ST7: variants seen among roughly 807,000 people sequenced by gnomAD.
ST7 encodes the protein suppressor of tumorigenicity 7 protein.
ST7 carries 28 observed loss-of-function variants against 78.7 expected under a neutral mutation model. The ratio of observed to expected loss-of-function variants is 0.36; its 90% CI spans 0.26 to 0.49. The LOEUF (loss-of-function observed/expected upper bound fraction) is 0.49. ST7 is among the 20% of genes least tolerant of loss of function. The probability of loss-of-function intolerance (pLI) is 0.99; values close to 1 mark genes in which losing one functional copy is unlikely to be tolerated. For missense variants in ST7, 418 were observed against 696.0 expected (o/e 0.60, Z 4.49); for synonymous variants, 247 against 249.6 (o/e 0.99, Z 0.10).
chr7:117,201,900 A>G lies in ST7; in HGVS notation c.1255-7887A>G, dbSNP rs553115671. Among the ~76,000 whole-genome samples, 56 of 151,536 alleles carry G rather than the reference A, an allele frequency of 3.7e-4. 1 individual carries two copies. The highest frequency in any genetic ancestry group is 1.3e-3 in the African/African-American group (52 of 41,222). ...CCTCCTACTCCTTTCCTGCGCTGCC[A>G]CGCGTTCATGTTTTCCAGGGAGCTC... is the stretch of plus-strand genomic sequence containing the variant. On this transcript the variant is annotated intron_variant, in intron 12 of 15. Transcript: ENST00000323984.
At position 117,039,169 on chromosome 7, in the gene ST7, T is replaced by C. The variant is rs550587321; in HGVS notation, c.152-60593T>C. Among the ~76,000 whole-genome samples, 10 of 152,296 alleles carry C rather than the reference T, an allele frequency of 6.6e-5. No individual in the cohort carries two copies. In the South Asian group the frequency reaches 2.1e-3, roughly 32 times the overall value. ...AATCTTTGCACGTAACCATGCTTTT[T>C]TCCTTAGGATACATTCCTGGAACTA... On this transcript the variant is annotated intron_variant, in intron 1 of 15. Coordinates refer to ENST00000323984, the MANE Select transcript of ST7 (RefSeq NM_001369598.1).
intron 9 of ST7, among the ~76,000 whole-genome samples, chr7:117,164,937 A>G (rs781026629): frequency 1.1e-4 from 16 of 152,048 alleles, no homozygotes; most frequent in Admixed American, 3.9e-4. Flanking sequence ...CTCACTTTCT[A>G]TGATGCTGTG....
intron 15 of ST7, among the ~76,000 whole-genome samples, chr7:117,224,972 G>A (rs780522937): frequency 4.6e-5 from 7 of 152,272 alleles, no homozygotes; most frequent in South Asian, 2.1e-4. Context: ...CCCCACAACC[G>A]GAACTTTCTT....
At chr7:116,974,252 T>C (rs1485895921) in intron 1 of ST7, among the ~76,000 whole-genome samples, 1 of 152,094 alleles carries the variant, frequency 6.6e-6, no homozygotes, top group Admixed American at 6.6e-5. Context: ...AACCAAAGTA[T>C]TTTTGGCATG....
chr7:117,059,840 A>G (rs1001301906), intron 1 of ST7, among the ~76,000 whole-genome samples: 4 of 146,808 alleles, frequency 2.7e-5, no homozygotes, highest in Non-Finnish European at 5.9e-5. Context: ...AAAATTAGCT[A>G]CGTGTGGTAA....
At chr7:116,994,274 C>A (rs777618643) in intron 1 of ST7, among the ~76,000 whole-genome samples, 3 of 152,116 alleles carry the variant, frequency 2.0e-5, no homozygotes, top group Non-Finnish European at 2.9e-5. Flanking sequence ...CCTTTTATGA[C>A]TAACTTATTT....
At chr7:117,029,562 TAA>T (rs1181921981) in intron 1 of ST7, among the ~76,000 whole-genome samples, 1 of 152,122 alleles carries the variant, frequency 6.6e-6, no homozygotes, top group African/African-American at 2.4e-5. Context: ...TTAATAATGT[TAA>T]GTTTTTAATT....
chr7:117,174,769 C>T (rs745401715), intron 10 of ST7, among the ~76,000 whole-genome samples: 1 of 152,198 alleles, frequency 6.6e-6, no homozygotes, highest in Non-Finnish European at 1.5e-5. Flanking sequence ...CACAATAACC[C>T]TGCAAGGAGG....
At chr7:116,992,179 T>C (rs184239408) in intron 1 of ST7, among the ~76,000 whole-genome samples, 365 of 152,308 alleles carry the variant, frequency 2.4e-3, no homozygotes, top group Non-Finnish European at 4.3e-3. Flanking sequence ...TGGAGAACAG[T>C]GGCCCTCTTT....
At chr7:117,061,868 G>A (rs2116446857) in intron 1 of ST7, among the ~76,000 whole-genome samples, 1 of 152,296 alleles carries the variant, frequency 6.6e-6, no homozygotes, top group Non-Finnish European at 1.5e-5. Flanking sequence ...TTATATTTCT[G>A]GATTGTCCTG....
intron 1 of ST7, 81 bp from the exon 2 acceptor site, chr7:117,099,681 G>T: frequency 3.2e-6 from 3 of 944,748 alleles, no homozygotes; most frequent in Non-Finnish European, 4.8e-6. Context: ...TTTTACCAGA[G>T]AGAAAAATGA....
Position 117,190,973 on chromosome 7 carries a change from T to C in ST7, c.1254+37T>C. ...GAATCCCCACAGGAACTCGTTATGA[T>C]AGCAGAGAAAGCATTCATTGACCAC... is the stretch of plus-strand genomic sequence containing the variant. On this transcript the variant is annotated intron_variant, in intron 12 of 15. Coordinates refer to ENST00000323984, the MANE Select transcript of ST7 (RefSeq NM_001369598.1). This position sits in a 1 kb window ranked among gnomAD's most constrained non-coding sequence, Gnocchi z 5.2. 1 of 1,524,628 alleles carries C rather than the reference T, an allele frequency of 6.6e-7. No homozygotes were observed. The highest frequency in any genetic ancestry group is 9.1e-7 in the Non-Finnish European group (1 of 1,098,648). 94.4% of individuals were successfully genotyped at this position (1,524,628 alleles called of 1,614,324 possible). A position where few individuals can be genotyped will look rare whatever the true frequency, so the allele number is the denominator to read the frequency against.
At chr7:117,174,180 T>G (rs7806551) in intron 10 of ST7, among the ~76,000 whole-genome samples, 22,118 of 152,218 alleles carry the variant, frequency 0.15, 1,691 homozygotes, top group Non-Finnish European at 0.16. Context: ...TAAAATACTA[T>G]ATTGCTATCC....
In ST7 at chr7:117,139,606, T is replaced by C. The variant is rs1454234199; in HGVS notation, c.963+1074T>C. ...AGAAGGCCCAAGTGAGACTCATGCT[T>C]TGGTTTTGGCCACTCCATTAGGCAA... is the stretch of plus-strand genomic sequence containing the variant. On this transcript the variant is annotated intron_variant, in intron 9 of 15. Transcript: ENST00000323984. Among the ~76,000 whole-genome samples the C allele has an allele frequency of 2.6e-5, 4 of 152,154 alleles. No individual in the cohort carries two copies. In the South Asian group the frequency reaches 8.3e-4, roughly 32 times the overall value.
chr7:117,114,069 G>A (rs960787599), intron 2 of ST7, among the ~76,000 whole-genome samples: 4 of 152,170 alleles, frequency 2.6e-5, no homozygotes, highest in Admixed American at 2.0e-4. Context: ...TGGCCACAAA[G>A]GCGGGTGGAA....
chr7:116,958,158 G>C (rs1490148609), intron 1 of ST7, among the ~76,000 whole-genome samples: 1 of 126,874 alleles, frequency 7.9e-6, no homozygotes, highest in African/African-American at 2.9e-5. Context: ...ACAGTGCGTG[G>C]CTAATTTTTT....
chr7:117,117,357 T>G (rs1802970496), intron 2 of ST7, among the ~76,000 whole-genome samples: 1 of 152,192 alleles, frequency 6.6e-6, no homozygotes, highest in Non-Finnish European at 1.5e-5. Context: ...GGGCTAAGTC[T>G]GTAATCCTGG....
chr7:117,125,426 C>T (rs1338303524), intron 3 of ST7, among the ~76,000 whole-genome samples: 17 of 152,034 alleles, frequency 1.1e-4, no homozygotes, highest in Admixed American at 1.1e-3. Context: ...TTTGTTATTT[C>T]ATAAAGAATT....
intron 12 of ST7, among the ~76,000 whole-genome samples, chr7:117,193,176 C>T (rs1011932301): frequency 3.3e-5 from 5 of 152,108 alleles, no homozygotes; most frequent in African/African-American, 7.2e-5. Context: ...CACACACACA[C>T]ACACACGGTG....
Sources: allele counts gnomAD v4.1 joint callset (sites outside exome capture counted in the v4.1 genomes callset), GRCh38; gene constraint gnomAD v4.1.1; non-coding constraint Gnocchi (gnomAD v3.1); transcripts MANE v1.5; gene names NCBI Gene and HGNC (gene_info 2026-07-23, HGNC 2026-07-21).